NUDT7: variants seen among roughly 807,000 people sequenced by gnomAD.
NUDT7 encodes peroxisomal coenzyme A diphosphatase NUDT7.
Under a neutral mutation model 13.1 loss-of-function variants are expected in NUDT7, and 19 were observed. That is an observed-to-expected ratio of 1.45 (90% CI 1.01 to 2.13). NUDT7 has a LOEUF of 2.13. Among genes scored for constraint, NUDT7 ranks in the 30% most tolerant of loss-of-function variants. The probability of loss-of-function intolerance (pLI) is 0.00; values close to 1 mark genes in which losing one functional copy is unlikely to be tolerated. For synonymous variants in NUDT7, 132 were observed against 109.7 expected (o/e 1.20, Z -1.27); for missense variants, 360 against 291.7 (o/e 1.23, Z -1.71).
intron 2 of NUDT7, among the ~76,000 whole-genome samples, chr16:77,731,042 C>G (rs150150167): frequency 1.3e-5 from 2 of 151,894 alleles, no homozygotes; most frequent in Non-Finnish European, 2.9e-5. Context: ...TCTTTTCATT[C>G]TGTTGAGTGT....
At chr16:77,735,433 A>T in intron 2 of NUDT7, 1 of 651,836 alleles carries the variant, frequency 1.5e-6, no homozygotes, top group African/African-American at 1.8e-5. Flanking sequence ...TTCCGCCATG[A>T]TTGTAAGTTT....
chr16:77,735,725 A>G (rs2014458957), intron 2 of NUDT7, 103 bp from the exon 3 acceptor site: 6 of 1,056,314 alleles, frequency 5.7e-6, no homozygotes, highest in Non-Finnish European at 7.0e-6. Flanking sequence ...CTGGGTAAGA[A>G]TGGTCTCTGG....
Position 77,742,228 on chromosome 16 carries a change from T to G in NUDT7, c.*278T>G, listed in dbSNP as rs2014692094. On this transcript the variant is annotated 3_prime_UTR_variant, in exon 4 of 4. Coordinates refer to ENST00000268533, the MANE Select transcript of NUDT7 (RefSeq NM_001105663.3). ...ATAATAAAGAATATCTGGCACATACTAGGCCCTTAATAAAGATTTTTTGAA... is the reference window on the plus strand; with the variant it reads ...ATAATAAAGAATATCTGGCACATACGAGGCCCTTAATAAAGATTTTTTGAA... The G allele has an allele frequency of 2.5e-6, 2 of 813,964 alleles. No individual in the cohort carries two copies. Among genetic ancestry groups the G allele is most frequent in the Non-Finnish European group, 1.6e-6 (1 of 638,152 alleles). 50.4% of individuals were successfully genotyped at this position (813,964 alleles called of 1,614,324 possible).
chr16:77,741,399 C>A, intron 3 of NUDT7, 183 bp from the exon 4 acceptor site: 2 of 574,322 alleles, frequency 3.5e-6, no homozygotes, highest in South Asian at 4.9e-5. Flanking sequence ...ATAGATGTCA[C>A]CTCAGGTAGA....
intron 2 of NUDT7, among the ~76,000 whole-genome samples, chr16:77,732,282 C>G (rs1269955844): frequency 6.6e-6 from 1 of 151,896 alleles, no homozygotes; most frequent in African/African-American, 2.4e-5. Flanking sequence ...GAGCTGAGAT[C>G]CCATCACTGC....
At chr16:77,725,404 T>C (rs2145102145) in intron 1 of NUDT7, 27 bp from the exon 2 acceptor site, 1 of 1,596,554 alleles carries the variant, frequency 6.3e-7, no homozygotes, top group Non-Finnish European at 8.6e-7. Context: ...CTTGCTAAAA[T>C]GTCTGTCTGG....
chr16:77,723,631 C>T (rs922335874), intron 1 of NUDT7, among the ~76,000 whole-genome samples: 22 of 144,912 alleles, frequency 1.5e-4, no homozygotes, highest in South Asian at 2.2e-4. Flanking sequence ...CTCACTCTGC[C>T]GCCCTGGCTA....
intron 3 of NUDT7, chr16:77,736,240 C>T (rs2014481013): frequency 4.7e-6 from 2 of 428,432 alleles, no homozygotes; most frequent in Non-Finnish European, 8.4e-6. Context: ...AACTGGATGC[C>T]ATAGAACCCT....
intron 2 of NUDT7, among the ~76,000 whole-genome samples, chr16:77,734,007 C>T (rs1330628045): frequency 6.6e-6 from 1 of 152,028 alleles, no homozygotes; most frequent in East Asian, 1.9e-4. Flanking sequence ...TTTTAGGATG[C>T]TATAGAGACA....
At chr16:77,726,441 A>G (rs1156466681) in intron 2 of NUDT7, among the ~76,000 whole-genome samples, 2 of 152,208 alleles carry the variant, frequency 1.3e-5, no homozygotes, top group Admixed American at 6.5e-5. Flanking sequence ...TACAGAAATA[A>G]TGGGCTGGGA....
Position 77,735,823 on chromosome 16 carries a change from T to C in NUDT7, c.190-5T>C. ...ACATTGTAGCGCTGTTCTTTCTATATCCAGCTAAGAAGGGCCCCTGGAGAA... is the reference window on the plus strand; with the variant it reads ...ACATTGTAGCGCTGTTCTTTCTATACCCAGCTAAGAAGGGCCCCTGGAGAA... On this transcript the variant is annotated splice_region_variant and splice_polypyrimidine_tract_variant and intron_variant, in intron 2 of 3. Coordinates refer to ENST00000268533, the MANE Select transcript of NUDT7 (RefSeq NM_001105663.3). The C allele has an allele frequency of 6.2e-7, 1 of 1,612,372 alleles. No homozygotes were observed. The highest frequency in any genetic ancestry group is 2.2e-5 in the East Asian group (1 of 44,822).
chr16:77,740,174 A>T (rs2014615735), intron 3 of NUDT7, among the ~76,000 whole-genome samples: 1 of 152,164 alleles, frequency 6.6e-6, no homozygotes, highest in Non-Finnish European at 1.5e-5. Context: ...TGCCCCAAGG[A>T]CATACGAAGT....
At chr16:77,726,742 A>G (rs562118854) in intron 2 of NUDT7, among the ~76,000 whole-genome samples, 1 of 152,318 alleles carries the variant, frequency 6.6e-6, no homozygotes, top group Admixed American at 6.5e-5. Flanking sequence ...GGTTGCAGTG[A>G]GCCGAGATTG....
At chr16:77,736,623 T>C (rs910252520) in intron 3 of NUDT7, 3 of 233,424 alleles carry the variant, frequency 1.3e-5, no homozygotes, top group South Asian at 4.7e-5. Flanking sequence ...CCACATCTTA[T>C]TTTCTTTTTT....
At position 77,722,530 on chromosome 16, in the gene NUDT7, A is replaced by G. The variant is rs1447805006; in HGVS notation, c.-53A>G. 6.5e-7 allele frequency: 1 copy of G among 1,532,076 alleles called. No individual in the cohort carries two copies. Among genetic ancestry groups the G allele is most frequent in the Non-Finnish European group, 8.9e-7 (1 of 1,129,412 alleles). The allele number at this position is 1,532,076 out of a possible 1,614,324, so 94.9% of individuals were successfully genotyped here. A position where few individuals can be genotyped will look rare whatever the true frequency, so the allele number is the denominator to read the frequency against. On this transcript the variant is annotated 5_prime_UTR_variant, in exon 1 of 4. Transcript: ENST00000268533. ...CCCAGAGCTGCTCTGCGCAAGCGCGACCGACCGAGCAGCTCCGAGGAGTCC... is the reference window on the plus strand; with the variant it reads ...CCCAGAGCTGCTCTGCGCAAGCGCGGCCGACCGAGCAGCTCCGAGGAGTCC...
intron 3 of NUDT7, among the ~76,000 whole-genome samples, chr16:77,741,261 T>TATC (rs1162426082): frequency 6.6e-6 from 1 of 152,228 alleles, no homozygotes; most frequent in African/African-American, 2.4e-5. Context: ...GGTAGGAATT[T>TATC]ATCATACAGA....
chr16:77,731,409 A>G (rs2014314804), intron 2 of NUDT7, among the ~76,000 whole-genome samples: 2 of 152,210 alleles, frequency 1.3e-5, no homozygotes, highest in African/African-American at 2.4e-5. Context: ...TCCTATCACC[A>G]ACTGACATCA....
intron 2 of NUDT7, among the ~76,000 whole-genome samples, chr16:77,729,748 C>A (rs944134752): frequency 3.3e-5 from 5 of 152,044 alleles, no homozygotes; most frequent in African/African-American, 1.2e-4. Context: ...TCGCTTGAAC[C>A]TAGAAGGCAG....
chr16:77,727,649 G>C (rs1352520616), intron 2 of NUDT7, among the ~76,000 whole-genome samples: 1 of 152,208 alleles, frequency 6.6e-6, no homozygotes, highest in African/African-American at 2.4e-5. Context: ...GAGGTCAGGA[G>C]TTCGAGACCA....
Sources: allele counts gnomAD v4.1 joint callset (sites outside exome capture counted in the v4.1 genomes callset), GRCh38; gene constraint gnomAD v4.1.1; transcripts MANE v1.5; gene names NCBI Gene and HGNC (gene_info 2026-07-23, HGNC 2026-07-21).